The following NTPCR variants were observed in gnomAD, a reference collection of about 807,000 sequenced individuals.
NTPCR encodes cancer-related nucleoside-triphosphatase.
A neutral mutation model predicts 19.5 loss-of-function variants in NTPCR; 15 were observed. The ratio of observed to expected loss-of-function variants is 0.77; its 90% CI spans 0.51 to 1.18. The LOEUF is 1.18. Among genes scored for constraint, NTPCR ranks in the 50% most tolerant of loss-of-function variants. The probability of loss-of-function intolerance (pLI) is 0.00; values close to 1 mark genes in which losing one functional copy is unlikely to be tolerated. For synonymous variants in NTPCR, 90 were observed against 95.8 expected (o/e 0.94, Z 0.36); for missense variants, 206 against 240.4 (o/e 0.86, Z 0.95).
rs1278692590 is a variant in NTPCR at position 232,978,149 on chromosome 1, A to G, written c.505-14A>G. 2 of 1,610,814 alleles carry G rather than the reference A, an allele frequency of 1.2e-6. No individual in the cohort carries two copies. The highest frequency in any genetic ancestry group is 1.7e-5 in the Admixed American group (1 of 59,998). On this transcript the variant is annotated splice_polypyrimidine_tract_variant and intron_variant, in intron 4 of 4. Coordinates refer to ENST00000366628, the MANE Select transcript of NTPCR (RefSeq NM_032324.3). Reference sequence around the variant, plus strand: ...AAGGAGCTCTGAAGCCTGTTCTCTCACTTCTTCCCACAGGTCACCAAGGAA... The same window carrying G: ...AAGGAGCTCTGAAGCCTGTTCTCTCGCTTCTTCCCACAGGTCACCAAGGAA...
intron 4 of NTPCR, among the ~76,000 whole-genome samples, chr1:232,971,633 G>T (rs1269575540): frequency 6.6e-6 from 1 of 152,172 alleles, no homozygotes; most frequent in Non-Finnish European, 1.5e-5. Context: ...ACTGACCAAG[G>T]CGCTGCTTTC....
intron 1 of NTPCR, among the ~76,000 whole-genome samples, chr1:232,951,461 A>G (rs1202493713): frequency 2.0e-5 from 3 of 152,182 alleles, no homozygotes; most frequent in Admixed American, 6.5e-5. Context: ...TGAGAGGTGT[A>G]GGAGGAGGTG....
intron 3 of NTPCR, among the ~76,000 whole-genome samples, chr1:232,960,400 G>A (rs978642353): frequency 2.1e-4 from 31 of 150,682 alleles, no homozygotes; most frequent in Non-Finnish European, 4.4e-4. Flanking sequence ...CTAGAGTGCA[G>A]TGGCGCCATC....
intron 3 of NTPCR, chr1:232,962,519 T>C (rs1406188363): frequency 6.6e-6 from 1 of 152,212 alleles, no homozygotes; most frequent in African/African-American, 2.4e-5. Flanking sequence ...ATAGCTACCC[T>C]CAATGCTTTA....
intron 3 of NTPCR, among the ~76,000 whole-genome samples, chr1:232,958,336 T>G (rs1430960478): frequency 6.6e-6 from 1 of 152,240 alleles, no homozygotes; most frequent in Non-Finnish European, 1.5e-5. Flanking sequence ...TCAATCAGAC[T>G]TCCCACATAT....
Position 232,974,525 on chromosome 1 carries a change from TA to T in NTPCR, c.505-3630del, listed in dbSNP as rs200619670. Reference sequence around the variant, plus strand: ...AAAACGATAACATTCTCTGATGTGTTAAAAAAAATAGCTGAAAAAAGAAAAG... The same window carrying T: ...AAAACGATAACATTCTCTGATGTGTTAAAAAAATAGCTGAAAAAAGAAAAG... On this transcript the variant is annotated intron_variant, in intron 4 of 4. Coordinates refer to ENST00000366628, the MANE Select transcript of NTPCR (RefSeq NM_032324.3). Among the ~76,000 whole-genome samples, 7 of 151,934 alleles carry T rather than the reference TA, an allele frequency of 4.6e-5. No individual in the cohort carries two copies. In the East Asian group the frequency reaches 7.7e-4, roughly 17 times the overall value.
Position 232,970,039 on chromosome 1 carries a change from G to A in NTPCR, c.425G>A (p.Gly142Asp). 1 of 1,614,152 alleles carries A rather than the reference G, an allele frequency of 6.2e-7. No homozygotes were observed. Among genetic ancestry groups the A allele is most frequent in the Non-Finnish European group, 8.5e-7 (1 of 1,180,026 alleles). Residue 142 changes from glycine (G) to aspartate (D), a missense_variant, in exon 4 of 5, where the codon GGC (glycine) becomes GAC (aspartate). Physicochemically the swap from Gly to Asp is moderately conservative, Grantham distance 94 (BLOSUM62 -1). Coordinates refer to ENST00000366628, the MANE Select transcript of NTPCR (RefSeq NM_032324.3). ...TLSTPGTIILGTIPVPKGKPL... is the reference protein window; with the variant it reads ...TLSTPGTIILDTIPVPKGKPL... ...TCTACCCCAGGGACTATAATCCTTG[G>A]CACAATCCCAGTTCCTAAAGGAAAG...
At chr1:232,977,960 C>T (rs757699819) in intron 4 of NTPCR, among the ~76,000 whole-genome samples, 2 of 152,218 alleles carry the variant, frequency 1.3e-5, no homozygotes, top group Non-Finnish European at 2.9e-5. Flanking sequence ...TTTGAGCTGT[C>T]ACTTGGCAGA....
chr1:232,954,998 A>C (rs905884054), intron 1 of NTPCR, among the ~76,000 whole-genome samples: 1 of 152,196 alleles, frequency 6.6e-6, no homozygotes, highest in African/African-American at 2.4e-5. Flanking sequence ...GTTATGAAAA[A>C]GTTTGAAAGT....
intron 1 of NTPCR, 59 bp from the exon 2 acceptor site, chr1:232,955,498 A>C: frequency 7.1e-7 from 1 of 1,401,602 alleles, no homozygotes; most frequent in Non-Finnish European, 9.5e-7. Flanking sequence ...TGTGTGCTCT[A>C]GTAAGGGAAT....
In NTPCR at chr1:232,979,853, GGA is replaced by G. The variant is rs558894665; in HGVS notation, c.*1625_*1626del. On this transcript the variant is annotated 3_prime_UTR_variant, in exon 5 of 5. Coordinates refer to ENST00000366628, the MANE Select transcript of NTPCR (RefSeq NM_032324.3). The surrounding 1 kb of genome is among the most constrained non-coding windows in gnomAD (Gnocchi z 5.3). ...AAATCTGAAAGTACCACAGCCCTCA[GGA>G]GAACCAAGAGATAGGGAGGCAGGCT... 149 of 152,486 alleles carry G rather than the reference GGA, an allele frequency of 9.8e-4. No homozygotes were observed. Among genetic ancestry groups the G allele is most frequent in the African/African-American group, 3.5e-3 (144 of 41,586 alleles). 9.4% of individuals were successfully genotyped at this position (152,486 alleles called of 1,614,324 possible). A position where few individuals can be genotyped will look rare whatever the true frequency, so the allele number is the denominator to read the frequency against.
chr1:232,973,353 A>C (rs530726797), intron 4 of NTPCR, among the ~76,000 whole-genome samples: 1 of 152,106 alleles, frequency 6.6e-6, no homozygotes, highest in Non-Finnish European at 1.5e-5. Flanking sequence ...ACACCCGAGA[A>C]CTCTTCCAGT....
chr1:232,973,761 A>C (rs529897445), intron 4 of NTPCR, among the ~76,000 whole-genome samples: 4 of 152,256 alleles, frequency 2.6e-5, no homozygotes, highest in Admixed American at 6.5e-5. Context: ...AAATTTTAGA[A>C]CTATACAATA....
chr1:232,981,323 G>A lies in NTPCR; in HGVS notation c.*3092G>A, dbSNP rs1571973785. On this transcript the variant is annotated 3_prime_UTR_variant, in exon 5 of 5. Coordinates refer to ENST00000366628, the MANE Select transcript of NTPCR (RefSeq NM_032324.3). ...AGCCCTCCAGTTATCAAGGGGGTGGGAACGCTGGTGGGCTGGAAAATGTGG... is the reference window on the plus strand; with the variant it reads ...AGCCCTCCAGTTATCAAGGGGGTGGAAACGCTGGTGGGCTGGAAAATGTGG... 1 of 152,278 alleles carries A rather than the reference G, an allele frequency of 6.6e-6. No homozygotes were observed. Among genetic ancestry groups the A allele is most frequent in the Non-Finnish European group, 1.5e-5 (1 of 68,024 alleles). 9.4% of individuals were successfully genotyped at this position (152,278 alleles called of 1,614,324 possible). A position where few individuals can be genotyped will look rare whatever the true frequency, so the allele number is the denominator to read the frequency against.
At chr1:232,971,658 C>G (rs12032273) in intron 4 of NTPCR, among the ~76,000 whole-genome samples, 5 of 152,130 alleles carry the variant, frequency 3.3e-5, no homozygotes, top group African/African-American at 1.2e-4. Context: ...AGCTTACATT[C>G]TAATGGAGGA....
chr1:232,966,858 G>A (rs1239981725), intron 3 of NTPCR: 1 of 152,528 alleles, frequency 6.6e-6, no homozygotes, highest in Non-Finnish European at 1.5e-5. Context: ...ATGCTGCCTG[G>A]GTTGTTCTCT....
rs1571972008 is a variant in NTPCR at position 232,978,050 on chromosome 1, A to G, written c.505-113A>G. The G allele has an allele frequency of 6.1e-6, 5 of 820,892 alleles. No homozygotes were observed. In the East Asian group the frequency reaches 1.1e-4, roughly 17 times the overall value. 50.9% of individuals were successfully genotyped at this position (820,892 alleles called of 1,614,324 possible). On this transcript the variant is annotated intron_variant, in intron 4 of 4. Coordinates refer to ENST00000366628, the MANE Select transcript of NTPCR (RefSeq NM_032324.3). ...CTGGGCCTCCTGCCTGGGTAACAAA[A>G]CATACCTCACCCTCTCCCAGCCTTC...
chr1:232,956,727 G>A (rs936637560), intron 3 of NTPCR, among the ~76,000 whole-genome samples: 2 of 152,130 alleles, frequency 1.3e-5, no homozygotes, highest in African/African-American at 2.4e-5. Context: ...TCTTCTCACA[G>A]TCATGTCTTA....
intron 1 of NTPCR, among the ~76,000 whole-genome samples, chr1:232,951,771 G>T (rs1668371810): frequency 6.6e-6 from 1 of 152,168 alleles, no homozygotes; most frequent in Admixed American, 6.5e-5. Flanking sequence ...GGGAGTTGGG[G>T]AGCAGGGGGT....
Sources: gnomAD v4.1 joint callset for allele counts (sites outside exome capture counted in the v4.1 genomes callset) on GRCh38, gnomAD v4.1.1 for gene constraint, Gnocchi (gnomAD v3.1) non-coding constraint, MANE v1.5 for transcripts, NCBI Gene and HGNC (gene_info 2026-07-23, HGNC 2026-07-21) for gene names.